The following KCNK10 variants were observed in gnomAD, a reference collection of about 807,000 sequenced individuals.
The protein encoded by KCNK10 is potassium channel subfamily K member 10.
Under a neutral mutation model 47.7 loss-of-function variants are expected in KCNK10, and 25 were observed. The observed-to-expected ratio is 0.52, with a 90% CI of 0.38 to 0.73. The LOEUF (loss-of-function observed/expected upper bound fraction) is 0.73, where lower values mean the gene tolerates loss of function less well. Among genes scored for constraint, KCNK10 ranks in the 30% least tolerant of loss-of-function variants. The pLI is 0.00. For missense variants in KCNK10, 563 were observed against 714.5 expected, an observed-to-expected ratio of 0.79 and a Z score of 2.42; for synonymous variants, 303 against 285.6, an observed-to-expected ratio of 1.06 and a Z score of -0.61.
At chr14:88,246,759 G>A (rs946674136) in intron 2 of KCNK10, among the ~76,000 whole-genome samples, 1 of 152,176 alleles carries the variant, frequency 6.6e-6, no homozygotes. Flanking sequence ...GGATAAAGCG[G>A]TAACCATTCA....
At chr14:88,205,309 C>T (rs1001806302) in intron 4 of KCNK10, among the ~76,000 whole-genome samples, 4 of 152,142 alleles carry the variant, frequency 2.6e-5, no homozygotes, top group Non-Finnish European at 4.4e-5. Context: ...TTGTCAGACT[C>T]CTGTTCATTC....
At chr14:88,268,391 C>A (rs930876004) in intron 1 of KCNK10, among the ~76,000 whole-genome samples, 8 of 152,174 alleles carry the variant, frequency 5.3e-5, no homozygotes, top group African/African-American at 1.7e-4. Flanking sequence ...GGCCTGTAGG[C>A]GCATGCTCAT....
intron 1 of KCNK10, among the ~76,000 whole-genome samples, chr14:88,315,639 T>C (rs1177133088): frequency 6.6e-6 from 1 of 152,180 alleles, no homozygotes; most frequent in Admixed American, 6.6e-5. Flanking sequence ...GGTAGTAAAA[T>C]TGTTGCTAGC....
chr14:88,187,625 A>ACC (rs147398923), intron 6 of KCNK10, among the ~76,000 whole-genome samples: 2,678 of 73,962 alleles, frequency 0.036, 83 homozygotes, highest in African/African-American at 0.082. Context: ...GACAGGCTGC[A>ACC]CCCCCCCACA....
intron 4 of KCNK10, among the ~76,000 whole-genome samples, chr14:88,202,681 G>A (rs966823617): frequency 7.2e-5 from 11 of 152,120 alleles, no homozygotes; most frequent in African/African-American, 2.7e-4. Context: ...CTTCCAGACA[G>A]TAGGCAAGAC....
intron 2 of KCNK10, among the ~76,000 whole-genome samples, chr14:88,245,371 G>A (rs982367099): frequency 3.3e-5 from 5 of 152,152 alleles, no homozygotes; most frequent in African/African-American, 1.2e-4. Flanking sequence ...ACAGGCAGAA[G>A]AGAGAAACTG....
chr14:88,286,436 AT>A (rs1260283099), intron 1 of KCNK10, among the ~76,000 whole-genome samples: 1 of 152,202 alleles, frequency 6.6e-6, no homozygotes, highest in African/African-American at 2.4e-5. Flanking sequence ...TGCTCATAAA[AT>A]GGAAACATGG....
rs114793106 is a variant in KCNK10, at chr14:88,233,777, C to G, written c.521-6242G>C. Among the ~76,000 whole-genome samples the G allele has an allele frequency of 5.4e-3, 825 of 152,338 alleles. 4 individuals carry two copies. The highest frequency in any genetic ancestry group is 0.019 in the African/African-American group (788 of 41,572). On this transcript the variant is annotated intron_variant, in intron 3 of 6. Transcript: ENST00000319231. ...ATAAACCAAGTTCCTGGATTCCTAA[C>G]AAGCTAACACAATAAATACCATTAA...
chr14:88,260,024 C>T lies in KCNK10; in HGVS notation c.402+3178G>A, dbSNP rs552933887. Among the ~76,000 whole-genome samples, 2 of 152,220 alleles carry T rather than the reference C, an allele frequency of 1.3e-5. No individual in the cohort carries two copies. Among genetic ancestry groups the T allele is most frequent in the South Asian group, 4.2e-4 (2 of 4,818 alleles). On this transcript the variant is annotated intron_variant, in intron 2 of 6. Coordinates refer to ENST00000319231, the MANE Select transcript of KCNK10 (RefSeq NM_138317.3). The surrounding 1 kb of genome is among the most constrained non-coding windows in gnomAD (Gnocchi z 4.5). The stretch of plus-strand genomic sequence containing the variant: ...GTGGCATGATCTCGGCTCACTGCAA[C>T]CTCTGCCTCCCAGGTTCAAGCAATT...
At chr14:88,263,633 T>C (rs912144122) in intron 1 of KCNK10, 82 bp from the exon 2 acceptor site, 1 of 1,234,882 alleles carries the variant, frequency 8.1e-7, no homozygotes, top group Non-Finnish European at 1.1e-6. Flanking sequence ...AAAGCACAGA[T>C]GTCTTCTTTG....
chr14:88,262,976 C>A (rs1887152822), intron 2 of KCNK10, among the ~76,000 whole-genome samples: 1 of 152,160 alleles, frequency 6.6e-6, no homozygotes. Context: ...CCTCTGACCA[C>A]TCATCCAAAA....
chr14:88,301,967 C>T (rs748945228), intron 1 of KCNK10, among the ~76,000 whole-genome samples: 6 of 152,014 alleles, frequency 3.9e-5, no homozygotes, highest in Non-Finnish European at 7.4e-5. Context: ...GAAAGGAGGC[C>T]GATAAAAAGG....
chr14:88,194,722 T>C lies in KCNK10; in HGVS notation c.682-2312A>G, dbSNP rs78672310. On this transcript the variant is annotated intron_variant, in intron 4 of 6. Coordinates refer to ENST00000319231, the MANE Select transcript of KCNK10 (RefSeq NM_138317.3). ...AGATCGTGGCATCTTAATTGCATCATCTACTGGAGACTTTATCAGCAAGGT... is the reference window on the plus strand; with the variant it reads ...AGATCGTGGCATCTTAATTGCATCACCTACTGGAGACTTTATCAGCAAGGT... Among the ~76,000 whole-genome samples, 198 of 152,256 alleles carry C rather than the reference T, an allele frequency of 1.3e-3. 2 individuals carry two copies. The highest frequency in any genetic ancestry group is 3.4e-3 in the Middle Eastern group (1 of 294).
chr14:88,279,921 T>C (rs1887612185), intron 1 of KCNK10, among the ~76,000 whole-genome samples: 1 of 140,932 alleles, frequency 7.1e-6, no homozygotes, highest in African/African-American at 2.4e-5. Flanking sequence ...GGGTTTCCAC[T>C]TTTGCTTCTT....
chr14:88,301,435 A>G (rs1044056936), intron 1 of KCNK10, among the ~76,000 whole-genome samples: 3 of 152,128 alleles, frequency 2.0e-5, no homozygotes, highest in Admixed American at 6.6e-5. Flanking sequence ...TGGTTTATAA[A>G]TTTTTTAGTT....
At chr14:88,276,808 C>A (rs757187589) in intron 1 of KCNK10, among the ~76,000 whole-genome samples, 12 of 152,382 alleles carry the variant, frequency 7.9e-5, no homozygotes, top group African/African-American at 2.9e-4. Flanking sequence ...GCCCTTGATG[C>A]CCCATGGCAG....
intron 1 of KCNK10, among the ~76,000 whole-genome samples, chr14:88,279,989 C>T (rs888385646): frequency 6.6e-6 from 1 of 152,222 alleles, no homozygotes; most frequent in African/African-American, 2.4e-5. Context: ...CACCATGATT[C>T]TGGGGCCTCC....
chr14:88,303,789 T>C (rs1469200447), intron 1 of KCNK10, among the ~76,000 whole-genome samples: 1 of 152,182 alleles, frequency 6.6e-6, no homozygotes, highest in East Asian at 1.9e-4. Context: ...TGCTTCTTTT[T>C]TTTATCAATG....
chr14:88,224,501 C>T lies in KCNK10; in HGVS notation c.681+2874G>A, dbSNP rs189258400. 1.2e-4 allele frequency among the ~76,000 whole-genome samples: 18 copies of T among 152,328 alleles called. No individual in the cohort carries two copies. The East Asian group carries it at 3.5e-3, about 29-fold the overall frequency. On this transcript the variant is annotated intron_variant, in intron 4 of 6. Coordinates refer to ENST00000319231, the MANE Select transcript of KCNK10 (RefSeq NM_138317.3). The stretch of plus-strand genomic sequence containing the variant: ...AGCATTTCTAAGTAATCCAATATCC[C>T]TCAGCAATTCTTTAAAATGAGGATC...
Sources: allele counts gnomAD v4.1 joint callset (sites outside exome capture counted in the v4.1 genomes callset), GRCh38; gene constraint gnomAD v4.1.1; non-coding constraint Gnocchi (gnomAD v3.1); transcripts MANE v1.5; gene names NCBI Gene and HGNC (gene_info 2026-07-23, HGNC 2026-07-21).